The following KIF1C variants were observed in gnomAD, a reference collection of about 807,000 sequenced individuals.
The protein encoded by KIF1C is kinesin family member 1C, also known as kinesin-like protein KIF1C.
In KIF1C, 61 loss-of-function variants were observed where a neutral mutation model predicts 126.5. That is an observed-to-expected ratio of 0.48 (90% confidence interval 0.39 to 0.60). The LOEUF (loss-of-function observed/expected upper bound fraction) is 0.60, where lower values mean the gene tolerates loss of function less well. Ranked by LOEUF, KIF1C falls within the 20% of genes least tolerant of loss-of-function variation. The probability of loss-of-function intolerance (pLI) is 0.00; values close to 1 mark genes in which losing one functional copy is unlikely to be tolerated. For synonymous variants in KIF1C, 640 were observed against 580.6 expected (o/e 1.10, Z -1.47); for missense variants, 1,315 against 1,489.2 (o/e 0.88, Z 1.93).
chr17:5,000,326 T>C lies in KIF1C; in HGVS notation c.80T>C (p.Val27Ala). 6.3e-7 allele frequency: 1 copy of C among 1,591,496 alleles called. No individual in the cohort carries two copies. Among genetic ancestry groups the C allele is most frequent in the African/African-American group, 1.3e-5 (1 of 74,326 alleles). Residue 27 changes from valine to alanine, a missense_variant, in exon 3 of 23, where the codon GTG (valine) becomes GCG (alanine). Coordinates refer to ENST00000320785, the MANE Select transcript of KIF1C (RefSeq NM_006612.6). ...ARETSQDAKC[V>A]VSMQGNTTSI... is the part of the protein sequence containing the mutation. ...GAGACCAGCCAGGATGCCAAGTGTG[T>C]GGTCAGCATGCAGGGCAACACCACC...
Position 5,007,289 on chromosome 17 carries a change from G to A in KIF1C, c.1362G>A (p.Leu454=). The A allele has an allele frequency of 6.2e-7, 1 of 1,611,690 alleles. No individual in the cohort carries two copies. The highest frequency in any genetic ancestry group is 8.5e-7 in the Non-Finnish European group (1 of 1,178,854). The change falls in exon 15 of 23, where the codon CTG becomes CTA. Residue 454 remains leucine (L), a synonymous_variant. Transcript: ENST00000320785. ...LQETEKIIAE[L]NETWEEKLRK... The stretch of plus-strand genomic sequence containing the variant: ...AGACAGAGAAGATTATAGCTGAGCT[G>A]AACGAGACATGGGAGGAGAAGCTAC...
In KIF1C at chr17:5,023,856, C is replaced by T; in HGVS notation, c.3017C>T (p.Pro1006Leu). Residue 1006 changes from proline to leucine, a missense_variant, in exon 23 of 23, where the codon CCT (proline) becomes CTT (leucine). Pro to Leu is a moderately conservative substitution (Grantham distance 98). This residue lies in a region of KIF1C where 441 missense variants were observed against 436.1 expected (regional missense o/e 1.01). Transcript: ENST00000320785. This position sits in a 1 kb window ranked among gnomAD's most constrained non-coding sequence, Gnocchi z 4.2. The stretch of plus-strand genomic sequence containing the variant: ...GAGGCTCCAACTCCGCTCCAACCCC[C>T]TGAGGAGGTCACTCCCCATCCAGCC... The part of the protein sequence containing the change: ...SGEAPTPLQP[P>L]EEVTPHPATP... 1 of 1,527,114 alleles carries T rather than the reference C, an allele frequency of 6.5e-7. No homozygotes were observed. The highest frequency in any genetic ancestry group is 8.8e-7 in the Non-Finnish European group (1 of 1,137,616). 94.6% of individuals were successfully genotyped at this position (1,527,114 alleles called of 1,614,324 possible). A position where few individuals can be genotyped will look rare whatever the true frequency, so the allele number is the denominator to read the frequency against.
intron 16 of KIF1C, among the ~76,000 whole-genome samples, chr17:5,009,356 T>G (rs1974809415): frequency 6.6e-6 from 1 of 151,970 alleles, no homozygotes; most frequent in African/African-American, 2.4e-5. Flanking sequence ...ATATTTTGTA[T>G]TTTTAGTAGA....
At chr17:5,006,782 T>G in intron 13 of KIF1C, 133 bp from the exon 14 acceptor site, 1 of 894,596 alleles carries the variant, frequency 1.1e-6, no homozygotes, top group Non-Finnish European at 1.7e-6. Flanking sequence ...GCTCCTTGCC[T>G]GGTAGGAGGC....
chr17:5,022,259 T>C lies in KIF1C; in HGVS notation c.2178T>C (p.Tyr726=), dbSNP rs765685970. The C allele has an allele frequency of 6.2e-7, 1 of 1,614,184 alleles. No homozygotes were observed. The highest frequency in any genetic ancestry group is 8.5e-7 in the Non-Finnish European group (1 of 1,180,044). ...SGKRRAPRRV[Y]QIPQRRRLQG... is the part of the protein sequence containing the mutation. Reference sequence around the variant, plus strand: ...AGCGCAGGGCCCCTCGCAGGGTTTATCAGATCCCCCAGCGACGCAGGCTGC... The same window carrying C: ...AGCGCAGGGCCCCTCGCAGGGTTTACCAGATCCCCCAGCGACGCAGGCTGC... Residue 726 remains tyrosine, a synonymous_variant, in exon 22 of 23, where the codon TAT becomes TAC. Coordinates refer to ENST00000320785, the MANE Select transcript of KIF1C (RefSeq NM_006612.6). This position sits in a 1 kb window ranked among gnomAD's most constrained non-coding sequence, Gnocchi z 4.9.
chr17:5,004,148 C>A, intron 11 of KIF1C, 75 bp downstream of exon 11: 1 of 1,070,396 alleles, frequency 9.3e-7, no homozygotes, highest in South Asian at 1.2e-5. Flanking sequence ...GACAAATCCC[C>A]TTGCTATGCC....
At chr17:5,017,122 T>C (rs1974987364) in intron 18 of KIF1C, among the ~76,000 whole-genome samples, 1 of 151,914 alleles carries the variant, frequency 6.6e-6, no homozygotes, top group South Asian at 2.1e-4. Flanking sequence ...ATGAAAGCCA[T>C]ACAGGCCACC....
Position 5,004,608 on chromosome 17 carries a change from G to A in KIF1C, c.982G>A (p.Ala328Thr). ...RTAMIAALSP[A>T]DINYEETLST... ...AGCCATGATTGCAGCCCTGAGCCCT[G>A]CTGACATCAATTACGAGGAGACTCT... The change falls in exon 12 of 23, where the codon GCT becomes ACT. Residue 328 changes from alanine (A) to threonine (T), a missense_variant. Ala to Thr is a moderately conservative substitution (Grantham distance 58). Coordinates refer to ENST00000320785, the MANE Select transcript of KIF1C (RefSeq NM_006612.6). The A allele has an allele frequency of 6.2e-7, 1 of 1,614,158 alleles. No individual in the cohort carries two copies. The highest frequency in any genetic ancestry group is 8.5e-7 in the Non-Finnish European group (1 of 1,180,030).
intron 16 of KIF1C, among the ~76,000 whole-genome samples, chr17:5,009,186 CTT>C: frequency 6.9e-6 from 1 of 144,380 alleles, no homozygotes. Context: ...ATTATGAGTT[CTT>C]TTTTTTTTTG....
chr17:5,013,736 G>A lies in KIF1C; in HGVS notation c.1571+4G>A. ...ACATCAAAGATGGCGTCACCAGGTA[G>A]CGTGTACCCAGCGGCCTGGGGGGCA... On this transcript the variant is annotated splice_donor_region_variant and intron_variant, in intron 17 of 22. Transcript: ENST00000320785. The A allele has an allele frequency of 6.2e-7, 1 of 1,612,998 alleles. No individual in the cohort carries two copies. Among genetic ancestry groups the A allele is most frequent in the South Asian group, 1.1e-5 (1 of 91,030 alleles).
Position 5,020,723 on chromosome 17 carries a change from C to T in KIF1C, c.1937+45C>T. 1 of 1,608,996 alleles carries T rather than the reference C, an allele frequency of 6.2e-7. No individual in the cohort carries two copies. Among genetic ancestry groups the T allele is most frequent in the Non-Finnish European group, 8.5e-7 (1 of 1,176,614 alleles). ...GTGCCCCATGGCCGTCTAGGCCGTC[C>T]CTCCCGGGCCTCTGGGCCCGTGTCC... is the stretch of plus-strand genomic sequence containing the variant. On this transcript the variant is annotated intron_variant, in intron 20 of 22. Transcript: ENST00000320785. This position sits in a 1 kb window ranked among gnomAD's most constrained non-coding sequence, Gnocchi z 5.8.
chr17:5,021,436 A>G (rs1306402078), intron 21 of KIF1C, among the ~76,000 whole-genome samples: 2 of 152,038 alleles, frequency 1.3e-5, no homozygotes, highest in Admixed American at 1.3e-4. Flanking sequence ...TCAGCCTCCC[A>G]AAATGCTGGG....
intron 5 of KIF1C, among the ~76,000 whole-genome samples, chr17:5,001,782 T>C (rs1207558063): frequency 6.6e-6 from 1 of 152,222 alleles, no homozygotes; most frequent in Non-Finnish European, 1.5e-5. Context: ...TAACCATAAT[T>C]GTCCCTGGCT....
At chr17:5,003,776 T>C in intron 9 of KIF1C, 75 bp from the exon 10 acceptor site, 1 of 1,557,866 alleles carries the variant, frequency 6.4e-7, no homozygotes, top group Non-Finnish European at 8.9e-7. Context: ...AGACTCTCAC[T>C]GGGGAGGTAG....
At position 5,001,354 on chromosome 17, in the gene KIF1C, A is replaced by C. The variant is rs1342553983; in HGVS notation, c.316A>C (p.Thr106Pro). 1 of 1,614,102 alleles carries C rather than the reference A, an allele frequency of 6.2e-7. No individual in the cohort carries two copies. The highest frequency in any genetic ancestry group is 8.5e-7 in the Non-Finnish European group (1 of 1,179,968). The change falls in exon 5 of 23, where the codon ACC becomes CCC. Residue 106 changes from threonine to proline, a missense_variant. Physicochemically the swap from Thr to Pro is conservative, Grantham distance 38. This residue lies in a region of KIF1C where 874 missense variants were observed against 1,053.2 expected (regional missense o/e 0.83). Transcript: ENST00000320785. ...GCAGACCGGGGCTGGGAAATCCTAT[A>C]CCATGATGGGGCGACAGGAGCCAGG... ...YGQTGAGKSY[T>P]MMGRQEPGQQ...
intron 15 of KIF1C, 23 bp from the exon 16 acceptor site, chr17:5,007,444 A>G: frequency 1.2e-6 from 2 of 1,607,636 alleles, no homozygotes; most frequent in Non-Finnish European, 1.7e-6. Flanking sequence ...TAAGACTGAC[A>G]TTTGCCTCTC....
At position 5,008,241 on chromosome 17, in the gene KIF1C, G is replaced by C; in HGVS notation, c.1491+699G>C. ...AGAGGTCAGGCTCAGGTGGAGGCAGGAATGATACTCCAAATATTAATAACC... is the reference window on the plus strand; with the variant it reads ...AGAGGTCAGGCTCAGGTGGAGGCAGCAATGATACTCCAAATATTAATAACC... On this transcript the variant is annotated intron_variant, in intron 16 of 22. Transcript: ENST00000320785. Among the ~76,000 whole-genome samples the C allele has an allele frequency of 1.3e-5, 2 of 152,182 alleles. 1 individual carries two copies. The highest frequency in any genetic ancestry group is 3.9e-4 in the East Asian group (2 of 5,194).
chr17:5,019,237 C>G (rs1975039439), intron 18 of KIF1C: 1 of 167,740 alleles, frequency 6.0e-6, no homozygotes, highest in African/African-American at 2.4e-5. Context: ...TTATGGTTTA[C>G]TTTTTTGGGC....
Position 5,028,311 on chromosome 17 carries a change from G to A in KIF1C, c.*4160G>A, listed in dbSNP as rs1357411913. On this transcript the variant is annotated 3_prime_UTR_variant, in exon 23 of 23. Coordinates refer to ENST00000320785, the MANE Select transcript of KIF1C (RefSeq NM_006612.6). ...TATTTTTAGCTTCTCACACCATACC[G>A]ACATATGTTGGTTATTCTTTTAGAC... The A allele has an allele frequency of 6.6e-6, 1 of 152,006 alleles. No homozygotes were observed. The highest frequency in any genetic ancestry group is 1.5e-5 in the Non-Finnish European group (1 of 68,008). 9.4% of individuals were successfully genotyped at this position (152,006 alleles called of 1,614,324 possible).
Sources: gnomAD v4.1 joint callset for allele counts (sites outside exome capture counted in the v4.1 genomes callset) on GRCh38, gnomAD v4.1.1 for gene constraint, gnomAD v4.1.1 regional missense constraint, Gnocchi (gnomAD v3.1) non-coding constraint, MANE v1.5 for transcripts, NCBI Gene and HGNC (gene_info 2026-07-23, HGNC 2026-07-21) for gene names.